Variants in PHF20 observed in about 807,000 individuals in gnomAD.
PHF20 encodes the protein glioma-expressed antigen 2.
In PHF20, 23 loss-of-function variants were observed where a neutral mutation model predicts 113.5. The observed-to-expected ratio is 0.20, with a 90% CI of 0.15 to 0.29. The LOEUF is 0.29. PHF20 is among the 10% of genes least tolerant of loss of function. PHF20 has a pLI of 1.00. For synonymous variants in PHF20, 434 were observed against 457.3 expected, an observed-to-expected ratio of 0.95 and a Z score of 0.65; for missense variants, 943 against 1,219.6, an observed-to-expected ratio of 0.77 and a Z score of 3.38.
chr20:35,856,984 G>A (rs2042840053), intron 4 of PHF20, among the ~76,000 whole-genome samples: 1 of 152,166 alleles, frequency 6.6e-6, no homozygotes, highest in Non-Finnish European at 1.5e-5. Flanking sequence ...CCCTGTTGAG[G>A]ACTGGCGGTG....
chr20:35,841,053 G>T (rs185188515), intron 2 of PHF20, among the ~76,000 whole-genome samples: 12 of 152,268 alleles, frequency 7.9e-5, no homozygotes, highest in Non-Finnish European at 1.6e-4. Flanking sequence ...AAGTAAGTCA[G>T]GTGTGGTAGC....
intron 4 of PHF20, chr20:35,849,437 T>C (rs1332986643): frequency 2.1e-6 from 1 of 470,972 alleles, no homozygotes; most frequent in Non-Finnish European, 4.4e-6. Context: ...GGTGCTGAAA[T>C]AGAGCTACCA....
At chr20:35,834,917 G>T (rs1205959104) in intron 2 of PHF20, among the ~76,000 whole-genome samples, 1 of 152,056 alleles carries the variant, frequency 6.6e-6, no homozygotes, top group Non-Finnish European at 1.5e-5. Flanking sequence ...ATTGATTTTT[G>T]AACATTTAAG....
intron 9 of PHF20, among the ~76,000 whole-genome samples, chr20:35,879,147 T>G (rs1294508953): frequency 1.3e-5 from 2 of 152,216 alleles, no homozygotes. Flanking sequence ...ACTTTTTTTT[T>G]GCCTGTTTTG....
At chr20:35,840,053 G>A (rs182243276) in intron 2 of PHF20, among the ~76,000 whole-genome samples, 2 of 152,144 alleles carry the variant, frequency 1.3e-5, no homozygotes, top group African/African-American at 4.8e-5. Context: ...AAGAAAGCAG[G>A]CCTGTTCATT....
intron 9 of PHF20, among the ~76,000 whole-genome samples, chr20:35,873,222 T>C (rs2054454523): frequency 6.6e-6 from 1 of 151,628 alleles, no homozygotes; most frequent in African/African-American, 2.4e-5. Context: ...TGTCTCAGCC[T>C]CCCGAGTAGC....
At chr20:35,833,324 C>G (rs1332319532) in intron 2 of PHF20, among the ~76,000 whole-genome samples, 4 of 152,108 alleles carry the variant, frequency 2.6e-5, no homozygotes, top group Admixed American at 1.3e-4. Context: ...TTTTGCTTAT[C>G]TGTCCTTTCC....
chr20:35,810,287 C>T (rs1407570227), intron 2 of PHF20, among the ~76,000 whole-genome samples: 3 of 152,162 alleles, frequency 2.0e-5, no homozygotes, highest in Admixed American at 6.6e-5. Flanking sequence ...AATCCACGGA[C>T]TGGATTGAGA....
chr20:35,825,081 G>A (rs1384237238), intron 2 of PHF20, among the ~76,000 whole-genome samples: 19 of 152,178 alleles, frequency 1.2e-4, no homozygotes, highest in African/African-American at 4.3e-4. Context: ...TACCTAAGAT[G>A]GAATTGTCAG....
intron 13 of PHF20, among the ~76,000 whole-genome samples, chr20:35,921,068 C>T (rs2055501977): frequency 6.6e-6 from 1 of 152,146 alleles, no homozygotes; most frequent in African/African-American, 2.4e-5. Flanking sequence ...CAGTTGCTGA[C>T]TTGGAGCACT....
chr20:35,907,475 G>C (rs1232713752), intron 10 of PHF20, among the ~76,000 whole-genome samples: 1 of 152,206 alleles, frequency 6.6e-6, no homozygotes, highest in Non-Finnish European at 1.5e-5. Flanking sequence ...GGAACAATTG[G>C]TAAAGCTGTC....
chr20:35,947,275 G>A (rs1342561471), intron 17 of PHF20, among the ~76,000 whole-genome samples: 1 of 152,188 alleles, frequency 6.6e-6, no homozygotes, highest in Non-Finnish European at 1.5e-5. Context: ...TAAAGCATTT[G>A]TGTTTTGTCC....
intron 9 of PHF20, among the ~76,000 whole-genome samples, chr20:35,883,927 G>T (rs1041309443): frequency 6.6e-6 from 1 of 152,206 alleles, no homozygotes; most frequent in Non-Finnish European, 1.5e-5. Context: ...AAGAGGCTTA[G>T]TAGGGTGGCT....
Position 35,923,343 on chromosome 20 carries a change from G to A in PHF20, c.2005-4437G>A, listed in dbSNP as rs150678053. On this transcript the variant is annotated intron_variant, in intron 13 of 17. Coordinates refer to ENST00000374012, the MANE Select transcript of PHF20 (RefSeq NM_016436.5). ...TGGCCTAGCACTGTGGCTCACACCCGTAATCCTAGCACTTTGGAAGGCTGA... is the reference window on the plus strand; with the variant it reads ...TGGCCTAGCACTGTGGCTCACACCCATAATCCTAGCACTTTGGAAGGCTGA... Among the ~76,000 whole-genome samples, 551 of 152,170 alleles carry A rather than the reference G, an allele frequency of 3.6e-3. 4 individuals are homozygous for A. Among genetic ancestry groups the A allele is most frequent in the Non-Finnish European group, 4.2e-3 (285 of 68,002 alleles).
intron 10 of PHF20, among the ~76,000 whole-genome samples, chr20:35,904,534 T>C (rs2055163026): frequency 1.3e-5 from 2 of 152,044 alleles, no homozygotes; most frequent in South Asian, 4.1e-4. Context: ...GTCCCGAACT[T>C]GGGTTCTCAT....
intron 4 of PHF20, among the ~76,000 whole-genome samples, chr20:35,857,819 T>C (rs2425176): frequency 0.25 from 38,307 of 151,866 alleles, 5,609 homozygotes; most frequent in African/African-American, 0.41. Context: ...CTCCTGACCT[T>C]GTCATCCGCC....
intron 2 of PHF20, among the ~76,000 whole-genome samples, chr20:35,831,452 A>G (rs1350899684): frequency 1.3e-5 from 2 of 152,130 alleles, no homozygotes; most frequent in African/African-American, 4.8e-5. Flanking sequence ...GGCATGAGCC[A>G]TTGTGCTGGG....
At chr20:35,784,610 T>C (rs111624825) in intron 1 of PHF20, among the ~76,000 whole-genome samples, 3 of 151,908 alleles carry the variant, frequency 2.0e-5, no homozygotes, top group African/African-American at 7.2e-5. Context: ...CTAATTTTTA[T>C]GTTGTTAACA....
rs750380743 is a variant in PHF20 at position 35,801,473 on chromosome 20, T to C, written c.-32-18T>C. 5 of 1,348,512 alleles carry C rather than the reference T, an allele frequency of 3.7e-6. No individual in the cohort carries two copies. Among genetic ancestry groups the C allele is most frequent in the South Asian group, 3.6e-5 (3 of 83,880 alleles). The allele number at this position is 1,348,512 out of a possible 1,614,324, so 83.5% of individuals were successfully genotyped here. On this transcript the variant is annotated intron_variant, in intron 1 of 17. Transcript: ENST00000374012. The stretch of plus-strand genomic sequence containing the variant: ...GGACTTTGCCTAAGTTTCATAAATA[T>C]TTAATTGGCTTTTTCAGGAGAATAA...
Sources: gnomAD v4.1 joint callset for allele counts (sites outside exome capture counted in the v4.1 genomes callset) on GRCh38, gnomAD v4.1.1 for gene constraint, MANE v1.5 for transcripts, NCBI Gene and HGNC (gene_info 2026-07-23, HGNC 2026-07-21) for gene names.